MAN2A2: variants seen among roughly 807,000 people sequenced by gnomAD.
The protein encoded by MAN2A2 is mannosidase alpha class 2A member 2.
MAN2A2 carries 79 observed loss-of-function variants against 126.8 expected under a neutral mutation model. The observed-to-expected ratio is 0.62, with a 90% CI of 0.52 to 0.75. The LOEUF (loss-of-function observed/expected upper bound fraction) is 0.75. Ranked by LOEUF, MAN2A2 falls within the 30% of genes least tolerant of loss-of-function variation. The probability of loss-of-function intolerance (pLI) is 0.00; values close to 1 mark genes in which losing one functional copy is unlikely to be tolerated. For missense variants in MAN2A2, 1,392 were observed against 1,522.4 expected (o/e 0.91, Z 1.43); for synonymous variants, 671 against 618.7 (o/e 1.08, Z -1.25).
rs1391618398 is a variant in MAN2A2, at chr15:90,906,228, GA to G, written c.708-141del. On this transcript the variant is annotated intron_variant, in intron 5 of 22. Coordinates refer to ENST00000559717, the MANE Select transcript of MAN2A2 (RefSeq NM_006122.4). ...GCCTGGAGGTTGGCTGTAAGGAAAG[GA>G]GGGCAAGTGTGTGTTCTCTTGGTCC... 12 of 1,305,284 alleles carry G rather than the reference GA, an allele frequency of 9.2e-6. No homozygotes were observed. In the East Asian group the frequency reaches 2.6e-4, roughly 29 times the overall value. 80.9% of individuals were successfully genotyped at this position (1,305,284 alleles called of 1,614,324 possible).
chr15:90,906,511 C>G lies in MAN2A2; in HGVS notation c.835+14C>G, dbSNP rs1254139800. 2 of 1,614,006 alleles carry G rather than the reference C, an allele frequency of 1.2e-6. No homozygotes were observed. The highest frequency in any genetic ancestry group is 1.3e-5 in the African/African-American group (1 of 74,930). ...AGAGAAATCTTGGTAAGTCCAGGCC[C>G]AGGCATGGGGGTCTGCCCCCTGGGC... is the stretch of plus-strand genomic sequence containing the variant. On this transcript the variant is annotated intron_variant, in intron 6 of 22. Transcript: ENST00000559717.
chr15:90,904,337 C>A lies in MAN2A2; in HGVS notation c.130C>A (p.Arg44=). The change falls in exon 2 of 23, where the codon CGG becomes AGG. Residue 44 remains arginine (R), a splice_region_variant and synonymous_variant. Transcript: ENST00000559717. ...TRHQNGGNFP[R]SQISVLQNRI... ...ACACCAGAATGGTGGGAACTTCCCC[C>A]GGGTGAGTCGTGCCTGGTTGCTAAT... The A allele has an allele frequency of 6.2e-7, 1 of 1,613,236 alleles. No individual in the cohort carries two copies. The highest frequency in any genetic ancestry group is 8.5e-7 in the Non-Finnish European group (1 of 1,179,296).
chr15:90,910,695 C>G lies in MAN2A2; in HGVS notation c.1760+12C>G. 6.2e-7 allele frequency: 1 copy of G among 1,613,128 alleles called. No individual in the cohort carries two copies. The highest frequency in any genetic ancestry group is 8.5e-7 in the Non-Finnish European group (1 of 1,179,810). The stretch of plus-strand genomic sequence containing the variant: ...GACTATGGGGTCAGGTGGGAGCCTT[C>G]TCTTTTCCCTTGTAAGCTCCCCTGC... On this transcript the variant is annotated intron_variant, in intron 11 of 22. Transcript: ENST00000559717.
At chr15:90,917,396 A>T (rs909251799) in intron 20 of MAN2A2, among the ~76,000 whole-genome samples, 2 of 152,218 alleles carry the variant, frequency 1.3e-5, no homozygotes, top group African/African-American at 4.8e-5. Flanking sequence ...AAGGAGGGAC[A>T]CCGTCAGAAC....
At position 90,912,864 on chromosome 15, in the gene MAN2A2, GCT is replaced by G. The variant is rs765227519; in HGVS notation, c.2470-10_2470-9del. On this transcript the variant is annotated splice_polypyrimidine_tract_variant and intron_variant, in intron 16 of 22. Transcript: ENST00000559717. Reference sequence around the variant, plus strand: ...TGTGCTGTAGTTTCAACAGCAATCTGCTCTTTCTCTAGCCCTACGTCCCCAAG... The same window carrying G: ...TGTGCTGTAGTTTCAACAGCAATCTGCTTTCTCTAGCCCTACGTCCCCAAG... 13 of 1,608,372 alleles carry G rather than the reference GCT, an allele frequency of 8.1e-6. No individual in the cohort carries two copies. In the South Asian group the frequency reaches 1.3e-4, roughly 16 times the overall value.
rs766730535 is a variant in MAN2A2 at position 90,912,908 on chromosome 15, G to A, written c.2501G>A (p.Arg834His). The A allele has an allele frequency of 1.1e-5, 17 of 1,613,968 alleles. No individual in the cohort carries two copies. Among genetic ancestry groups the A allele is most frequent in the Admixed American group, 3.3e-5 (2 of 59,988 alleles). ...GTCCCCAAGGAGCCCCCCGTGCTGC[G>A]TGTCACTGAAGGCCCTTTCTTCTCA... is the stretch of plus-strand genomic sequence containing the variant. ...PYVPKEPPVL[R>H]VTEGPFFSEV... Residue 834 changes from arginine (R) to histidine (H), a missense_variant, in exon 17 of 23, where the codon CGT becomes CAT. Physicochemically the swap from Arg to His is conservative, Grantham distance 29. Coordinates refer to ENST00000559717, the MANE Select transcript of MAN2A2 (RefSeq NM_006122.4).
At chr15:90,906,685 G>A (rs111961183) in intron 6 of MAN2A2, 55 bp from the exon 7 acceptor site, 4 of 1,594,356 alleles carry the variant, frequency 2.5e-6, no homozygotes, top group African/African-American at 1.3e-5. Flanking sequence ...GGAAGGCCGG[G>A]GGGCCAGCCC....
At chr15:90,909,606 T>A in intron 9 of MAN2A2, 102 bp downstream of exon 9, 3 of 546,432 alleles carry the variant, frequency 5.5e-6, no homozygotes, top group South Asian at 4.4e-5. Flanking sequence ...GGTGCCCCCC[T>A]TTTTTTTTTT....
intron 12 of MAN2A2, 80 bp from the exon 13 acceptor site, chr15:90,911,091 C>G: frequency 6.5e-7 from 1 of 1,526,914 alleles, no homozygotes; most frequent in Non-Finnish European, 9.1e-7. Flanking sequence ...AGTGCAGCCG[C>G]TGGTCCACAC....
Position 90,905,301 on chromosome 15 carries a change from G to A in MAN2A2, c.183G>A (p.Leu61=), listed in dbSNP as rs759836803. ...QNRIEQLEQL[L]EENHEIISHI... Reference sequence around the variant, plus strand: ...GCATTGAGCAGCTGGAGCAGCTTTTGGAGGAGAACCATGAGATTATCAGCC... The same window carrying A: ...GCATTGAGCAGCTGGAGCAGCTTTTAGAGGAGAACCATGAGATTATCAGCC... The change falls in exon 3 of 23, where the codon TTG becomes TTA. Residue 61 remains leucine, a synonymous_variant. Transcript: ENST00000559717. The A allele has an allele frequency of 4.3e-6, 7 of 1,613,672 alleles. No individual in the cohort carries two copies. In the East Asian group the frequency reaches 1.6e-4, roughly 36 times the overall value.
Position 90,919,710 on chromosome 15 carries a change from C to A in MAN2A2, c.3376C>A (p.Leu1126Met). The change falls in exon 23 of 23, where the codon CTG becomes ATG. Residue 1126 changes from leucine (L) to methionine (M), a missense_variant. Physicochemically the swap from Leu to Met is conservative, Grantham distance 15. Coordinates refer to ENST00000559717, the MANE Select transcript of MAN2A2 (RefSeq NM_006122.4). ...QPTSLTLLYPLASPSNSTDVY... is the reference protein window; with the variant it reads ...QPTSLTLLYPMASPSNSTDVY... ...AACCTCCTTGACGTTACTGTACCCTCTGGCCTCCCCGTCCAACAGCACTGA... is the reference window on the plus strand; with the variant it reads ...AACCTCCTTGACGTTACTGTACCCTATGGCCTCCCCGTCCAACAGCACTGA... The A allele has an allele frequency of 6.2e-7, 1 of 1,614,262 alleles. No homozygotes were observed. The highest frequency in any genetic ancestry group is 8.5e-7 in the Non-Finnish European group (1 of 1,180,046).
At chr15:90,913,103 A>T in intron 17 of MAN2A2, 112 bp downstream of exon 17, 1 of 1,147,418 alleles carries the variant, frequency 8.7e-7, no homozygotes, top group Admixed American at 2.1e-5. Context: ...ATCATTTGAG[A>T]CAGGGATGCT....
intron 20 of MAN2A2, chr15:90,917,848 G>A (rs1402369537): frequency 8.6e-6 from 2 of 231,526 alleles, no homozygotes; most frequent in Admixed American, 5.0e-5. Flanking sequence ...TCCATGGTGA[G>A]GCCTGCGTCT....
At position 90,906,717 on chromosome 15, in the gene MAN2A2, T is replaced by C. The variant is rs758348151; in HGVS notation, c.836-23T>C. ...GCCCCTGAGGTGTGTTCAGGGCCTC[T>C]CTGGCTTCCATGCCCTGCCCAGGTG... On this transcript the variant is annotated intron_variant, in intron 6 of 22. Coordinates refer to ENST00000559717, the MANE Select transcript of MAN2A2 (RefSeq NM_006122.4). The C allele has an allele frequency of 4.4e-6, 7 of 1,608,010 alleles. No individual in the cohort carries two copies. The South Asian group carries it at 4.4e-5, about 10-fold the overall frequency.
In MAN2A2 at chr15:90,920,356, C is replaced by G. The variant is rs1458230186; in HGVS notation, c.*569C>G. On this transcript the variant is annotated 3_prime_UTR_variant, in exon 23 of 23. Coordinates refer to ENST00000559717, the MANE Select transcript of MAN2A2 (RefSeq NM_006122.4). ...GTTTCTCCTAGGAGTCTGAAGGCCT[C>G]GCTGCTTTCTGTGATGGCTTTGCAG... is the stretch of plus-strand genomic sequence containing the variant. The G allele has an allele frequency of 6.6e-6, 1 of 152,618 alleles. No homozygotes were observed. Among genetic ancestry groups the G allele is most frequent in the Non-Finnish European group, 1.5e-5 (1 of 68,344 alleles). 9.5% of individuals were successfully genotyped at this position (152,618 alleles called of 1,614,324 possible).
rs1288216016 is a variant in MAN2A2 at position 90,905,902 on chromosome 15, G to A, written c.593G>A (p.Ser198Asn). Residue 198 changes from serine (S) to asparagine (N), a missense_variant, in exon 5 of 23, where the codon AGC becomes AAC. Physicochemically the swap from Ser to Asn is conservative, Grantham distance 46. Transcript: ENST00000559717. ...YTEQTQHILN[S>N]MVSKLQEDPR... ...GAGCAGACCCAACACATCCTCAATA[G>A]CATGGTGTCTAAGCTGCAGGAGGAC... 1 of 1,604,076 alleles carries A rather than the reference G, an allele frequency of 6.2e-7. No individual in the cohort carries two copies. The highest frequency in any genetic ancestry group is 2.2e-5 in the East Asian group (1 of 44,660).
At chr15:90,918,818 T>G in intron 22 of MAN2A2, 63 bp downstream of exon 22, 1 of 1,162,506 alleles carries the variant, frequency 8.6e-7, no homozygotes, top group Non-Finnish European at 1.3e-6. Context: ...AAGACTGGGC[T>G]GAGATTCGGT....
chr15:90,916,432 C>A, intron 20 of MAN2A2, 176 bp downstream of exon 20: 4 of 1,084,130 alleles, frequency 3.7e-6, no homozygotes, highest in Non-Finnish European at 5.3e-6. Flanking sequence ...TCTCACGCAG[C>A]CTGGCACCTT....
intron 19 of MAN2A2, among the ~76,000 whole-genome samples, chr15:90,915,221 G>A (rs2035078225): frequency 6.6e-6 from 1 of 152,190 alleles, no homozygotes; most frequent in African/African-American, 2.4e-5. Context: ...CTATACAAGG[G>A]ATCCGTTTTA....
Sources: allele counts gnomAD v4.1 joint callset (sites outside exome capture counted in the v4.1 genomes callset), GRCh38; gene constraint gnomAD v4.1.1; transcripts MANE v1.5; gene names NCBI Gene and HGNC (gene_info 2026-07-23, HGNC 2026-07-21).